NAV3: variants seen among roughly 807,000 people sequenced by gnomAD.
NAV3 encodes neuron navigator 3, also known as pore membrane and/or filament interacting like protein 1.
Under a neutral mutation model 244.7 loss-of-function variants are expected in NAV3, and 87 were observed. The ratio of observed to expected loss-of-function variants is 0.36; its 90% confidence interval spans 0.30 to 0.42. The LOEUF is 0.42. Among genes scored for constraint, NAV3 ranks in the 20% least tolerant of loss-of-function variants. NAV3 has a pLI of 1.00. For synonymous variants in NAV3, 1,126 were observed against 1,042.2 expected (o/e 1.08, Z -1.55); for missense variants, 2,663 against 2,893.3 (o/e 0.92, Z 1.83).
At chr12:77,826,739 G>C (rs1406768018), upstream of NAV3, among the ~76,000 whole-genome samples, 2 of 152,146 alleles carry the variant, frequency 1.3e-5, no homozygotes, top group Non-Finnish European at 2.9e-5. Flanking sequence ...GGCAAAACTA[G>C]CGTTAGAAGT....
Position 77,658,883 on chromosome 12 carries a change from G to T in NAV3, c.72+86617G>T, listed in dbSNP as rs1052616283. ...AAAGGATTCCCTATTTAATAAATGG[G>T]GCTGGGAAAACTGGCTATCCATATG... is the stretch of plus-strand genomic sequence containing the variant. On this transcript the variant is annotated intron_variant, in intron 2 of 8. Coordinates refer to the NAV3 transcript ENST00000550042. Among the ~76,000 whole-genome samples the T allele has an allele frequency of 1.1e-3, 173 of 152,170 alleles. 1 individual carries two copies. The highest frequency in any genetic ancestry group is 7.7e-3 in the South Asian group (37 of 4,820).
At chr12:77,956,292 G>C (rs1314050385) in intron 3 of NAV3, among the ~76,000 whole-genome samples, 1 of 152,118 alleles carries the variant, frequency 6.6e-6, no homozygotes, top group Non-Finnish European at 1.5e-5. Context: ...TGTGAAAAAT[G>C]AGAAGTATAG....
intron 12 of NAV3, among the ~76,000 whole-genome samples, chr12:78,071,988 G>C (rs1164550387): frequency 6.6e-6 from 1 of 152,122 alleles, no homozygotes; most frequent in African/African-American, 2.4e-5. Context: ...TGAAACCAAG[G>C]AGAACAAAGA....
intron 23 of NAV3, among the ~76,000 whole-genome samples, chr12:78,161,520 A>G (rs1412213868): frequency 6.6e-6 from 1 of 152,066 alleles, no homozygotes; most frequent in Non-Finnish European, 1.5e-5. Flanking sequence ...ATACATATAG[A>G]AAAAAATGTA....
At chr12:78,085,049 T>C (rs565002734) in intron 12 of NAV3, among the ~76,000 whole-genome samples, 23 of 152,264 alleles carry the variant, frequency 1.5e-4, no homozygotes, top group African/African-American at 5.5e-4. Context: ...ATAATCAACA[T>C]AATTAGATTG....
chr12:77,591,966 G>C (rs538810353), intron 2 of NAV3, among the ~76,000 whole-genome samples: 1 of 152,150 alleles, frequency 6.6e-6, no homozygotes, highest in South Asian at 2.1e-4. Flanking sequence ...ATGAAGCAAG[G>C]CATGTTAAAT....
In NAV3 at chr12:77,770,302, T is replaced by C. The variant is rs902782796; in HGVS notation, c.73-170017T>C. Among the ~76,000 whole-genome samples the C allele has an allele frequency of 4.6e-5, 7 of 152,290 alleles. No homozygotes were observed. In the South Asian group the frequency reaches 1.0e-3, roughly 23 times the overall value. ...TGTGGCAGGATAGTAGATTGTGAAC[T>C]TGCAATCTTAGAGGTATAGCACTTC... On this transcript the variant is annotated intron_variant, in intron 2 of 8. Transcript: ENST00000550042.
intron 2 of NAV3, among the ~76,000 whole-genome samples, chr12:77,812,876 G>T (rs752097214): frequency 5.3e-5 from 8 of 152,052 alleles, no homozygotes; most frequent in Non-Finnish European, 1.0e-4. Context: ...ACCCAGGCTG[G>T]AGTACAGTGG....
chr12:77,710,099 T>A (rs1444452109), intron 2 of NAV3, among the ~76,000 whole-genome samples: 3 of 152,162 alleles, frequency 2.0e-5, no homozygotes, highest in Admixed American at 2.0e-4. Context: ...TTTAATAGAT[T>A]CTAATAAAAA....
chr12:78,081,124 T>C (rs1694451250), intron 12 of NAV3, among the ~76,000 whole-genome samples: 2 of 152,218 alleles, frequency 1.3e-5, no homozygotes, highest in African/African-American at 4.8e-5. Flanking sequence ...AGTCTTTCTT[T>C]AATGTATATA....
At chr12:77,925,073 T>C (rs1027768375) in intron 1 of NAV3, among the ~76,000 whole-genome samples, 6 of 152,082 alleles carry the variant, frequency 3.9e-5, no homozygotes, top group Non-Finnish European at 5.9e-5. Context: ...TTAACTTTAC[T>C]TTTTTGAAGG....
chr12:78,182,202 T>A (rs1958525452), intron 30 of NAV3, among the ~76,000 whole-genome samples: 1 of 152,010 alleles, frequency 6.6e-6, no homozygotes, highest in Non-Finnish European at 1.5e-5. Context: ...GTAATTTGAG[T>A]TTGTAAATTA....
intron 12 of NAV3, among the ~76,000 whole-genome samples, chr12:78,065,939 A>G (rs1278101287): frequency 1.3e-5 from 2 of 152,184 alleles, no homozygotes; most frequent in Non-Finnish European, 2.9e-5. Context: ...AAAGATTACT[A>G]GAACTGCTGT....
intron 1 of NAV3, among the ~76,000 whole-genome samples, chr12:77,833,977 G>A (rs904565937): frequency 2.0e-5 from 3 of 150,822 alleles, no homozygotes; most frequent in East Asian, 1.9e-4. Flanking sequence ...ACGTCCAGCC[G>A]CTTATGTGTT....
At chr12:78,094,945 G>A (rs1332633218) in intron 12 of NAV3, among the ~76,000 whole-genome samples, 1 of 151,550 alleles carries the variant, frequency 6.6e-6, no homozygotes, top group Non-Finnish European at 1.5e-5. Context: ...TACTTGGGAG[G>A]CTGAGGCAGG....
chr12:78,036,884 C>T (rs777758560), intron 9 of NAV3: 21 of 699,824 alleles, frequency 3.0e-5, no homozygotes, highest in Middle Eastern at 4.6e-4. Context: ...CTGCTGAACT[C>T]TCTGTGTTCC....
At chr12:77,930,534 T>C (rs533884005) in intron 1 of NAV3, among the ~76,000 whole-genome samples, 3 of 152,308 alleles carry the variant, frequency 2.0e-5, no homozygotes, top group South Asian at 4.1e-4. Flanking sequence ...AGATTTATTA[T>C]TTCCCTAGTG....
intron 9 of NAV3, chr12:78,036,125 G>A (rs1879834324): frequency 6.6e-6 from 1 of 152,092 alleles, no homozygotes; most frequent in Non-Finnish European, 1.5e-5. Flanking sequence ...ATCTCGTACA[G>A]GCTTGGCTCA....
At chr12:77,881,837 A>G (rs1477158341) in intron 1 of NAV3, among the ~76,000 whole-genome samples, 1 of 152,148 alleles carries the variant, frequency 6.6e-6, no homozygotes, top group Non-Finnish European at 1.5e-5. Flanking sequence ...AGCTGTAAAG[A>G]AAATGAAATA....
Sources: gnomAD v4.1 joint callset for allele counts (sites outside exome capture counted in the v4.1 genomes callset) on GRCh38, gnomAD v4.1.1 for gene constraint, MANE v1.5 for transcripts, NCBI Gene and HGNC (gene_info 2026-07-23, HGNC 2026-07-21) for gene names.